EFL1: variants seen among roughly 807,000 people sequenced by gnomAD.
EFL1 encodes the protein elongation factor like GTPase 1, also known as elongation factor-like GTPase 1.
EFL1 carries 76 observed loss-of-function variants against 126.7 expected under a neutral mutation model. The ratio of observed to expected loss-of-function variants is 0.60; its 90% CI spans 0.50 to 0.73. The LOEUF (loss-of-function observed/expected upper bound fraction) is 0.73. Ranked by LOEUF, EFL1 falls within the 30% of genes least tolerant of loss-of-function variation. EFL1 has a pLI of 0.00. For synonymous variants in EFL1, 410 were observed against 448.4 expected, an observed-to-expected ratio of 0.91 and a Z score of 1.08; for missense variants, 1,128 against 1,343.2, an observed-to-expected ratio of 0.84 and a Z score of 2.50.
intron 7 of EFL1, among the ~76,000 whole-genome samples, chr15:82,232,592 A>G (rs760874322): frequency 1.5e-4 from 23 of 152,230 alleles, no homozygotes; most frequent in Non-Finnish European, 1.3e-4. Context: ...TCAATTATCT[A>G]TATGAAAATG....
At chr15:82,216,642 CA>C (rs1275440125) in intron 14 of EFL1, among the ~76,000 whole-genome samples, 1 of 152,020 alleles carries the variant, frequency 6.6e-6, no homozygotes, top group Admixed American at 6.6e-5. Flanking sequence ...AACAGCTGGA[CA>C]TTTAAATGAG....
At chr15:82,205,542 A>G (rs922511880) in intron 15 of EFL1, among the ~76,000 whole-genome samples, 6 of 149,626 alleles carry the variant, frequency 4.0e-5, no homozygotes, top group Non-Finnish European at 7.5e-5. Context: ...CAGTAAATAC[A>G]CACACACACA....
At chr15:82,143,175 T>C (rs2073807165) in intron 18 of EFL1, among the ~76,000 whole-genome samples, 1 of 152,198 alleles carries the variant, frequency 6.6e-6, no homozygotes, top group Non-Finnish European at 1.5e-5. Context: ...AATTTCAGAA[T>C]AATAAGTAAA....
rs150392261 is a variant in EFL1, at chr15:82,191,148, C to T, written c.1750+23569G>A. ...CCATCTTTTCTCCTTGGCTACTTCC[C>T]TACTTTTCCCTACAAATACTATGCA... is the stretch of plus-strand genomic sequence containing the variant. On this transcript the variant is annotated intron_variant, in intron 15 of 19. Transcript: ENST00000268206. 6.9e-3 allele frequency among the ~76,000 whole-genome samples: 1,048 copies of T among 152,148 alleles called. 12 individuals carry two copies. The highest frequency in any genetic ancestry group is 0.024 in the African/African-American group (1,005 of 41,494).
At position 82,238,464 on chromosome 15, in the gene EFL1, T is replaced by C. The variant is rs368078645; in HGVS notation, c.574A>G (p.Arg192Gly). 6.8e-6 allele frequency: 11 copies of C among 1,613,998 alleles called. No homozygotes were observed. In the African/African-American group the frequency reaches 1.5e-4, roughly 22 times the overall value. The change falls in exon 7 of 20, where the codon AGG becomes GGG. Residue 192 changes from arginine (R) to glycine (G), a missense_variant. Around this residue, in one of 6 missense-constraint regions of EFL1, gnomAD observed 316 missense variants for 318.5 expected, o/e 0.99. Coordinates refer to ENST00000268206, the MANE Select transcript of EFL1 (RefSeq NM_024580.6). ...TSKVLEERAE[R>G]ETESQVNPNS... The stretch of plus-strand genomic sequence containing the variant: ...GGATTCACTTGGGATTCAGTCTCCC[T>C]CTCTGCTCTTTCTTCTAGGACTTTA...
At chr15:82,138,943 T>G in intron 18 of EFL1, 101 bp from the exon 19 acceptor site, 1 of 1,102,746 alleles carries the variant, frequency 9.1e-7, no homozygotes, top group Non-Finnish European at 1.2e-6. Flanking sequence ...CATAAATGAT[T>G]AAATTTGTTC....
intron 17 of EFL1, among the ~76,000 whole-genome samples, chr15:82,157,171 T>G (rs2073976954): frequency 6.6e-6 from 1 of 152,216 alleles, no homozygotes; most frequent in African/African-American, 2.4e-5. Context: ...TATTTCTGCA[T>G]GATAACTGAA....
intron 15 of EFL1, among the ~76,000 whole-genome samples, chr15:82,202,736 TCTCTA>T (rs2074483142): frequency 6.6e-6 from 1 of 152,106 alleles, no homozygotes; most frequent in Admixed American, 6.5e-5. Flanking sequence ...ACTTTTTACC[TCTCTA>T]CTCAATTATA....
intron 18 of EFL1, 101 bp from the exon 19 acceptor site, chr15:82,138,943 T>A (rs1341239678): frequency 3.6e-6 from 4 of 1,102,626 alleles, no homozygotes; most frequent in Non-Finnish European, 5.0e-6. Flanking sequence ...CATAAATGAT[T>A]AAATTTGTTC....
At chr15:82,194,854 T>C (rs2074393456) in intron 15 of EFL1, among the ~76,000 whole-genome samples, 1 of 152,224 alleles carries the variant, frequency 6.6e-6, no homozygotes, top group Admixed American at 6.5e-5. Flanking sequence ...GTTTTCGGAA[T>C]CTTGTAATCA....
At chr15:82,205,539 TACACAC>T (rs144966014) in intron 15 of EFL1, among the ~76,000 whole-genome samples, 3 of 149,886 alleles carry the variant, frequency 2.0e-5, no homozygotes, top group Non-Finnish European at 3.0e-5. Context: ...CTCCAGTAAA[TACACAC>T]ACACACACAC....
At chr15:82,191,846 A>G (rs1157078950) in intron 15 of EFL1, among the ~76,000 whole-genome samples, 1 of 152,172 alleles carries the variant, frequency 6.6e-6, no homozygotes, top group Non-Finnish European at 1.5e-5. Flanking sequence ...GAAGAGCTTT[A>G]TATTTGCGAC....
intron 15 of EFL1, among the ~76,000 whole-genome samples, chr15:82,207,191 A>C (rs1334988439): frequency 1.3e-5 from 2 of 151,878 alleles, no homozygotes; most frequent in African/African-American, 2.4e-5. Context: ...CATTTTAAAA[A>C]TTAACCTAGT....
At chr15:82,146,768 G>T (rs991373482) in intron 18 of EFL1, among the ~76,000 whole-genome samples, 3 of 152,110 alleles carry the variant, frequency 2.0e-5, no homozygotes, top group Admixed American at 2.0e-4. Context: ...GTTGCCGCAC[G>T]CAGGGTAAAT....
At position 82,157,875 on chromosome 15, in the gene EFL1, C is replaced by A. The variant is rs375810682; in HGVS notation, c.1883-15G>T. On this transcript the variant is annotated splice_polypyrimidine_tract_variant and intron_variant, in intron 16 of 19. Coordinates refer to ENST00000268206, the MANE Select transcript of EFL1 (RefSeq NM_024580.6). ...AGGCATTTCACCTAGGTTAACAAAA[C>A]GAAATAGATTAAATATGATATAAGA... 1 of 1,606,872 alleles carries A rather than the reference C, an allele frequency of 6.2e-7. No homozygotes were observed. The highest frequency in any genetic ancestry group is 1.1e-5 in the South Asian group (1 of 90,222).
chr15:82,210,445 A>G (rs1188467538), intron 15 of EFL1, among the ~76,000 whole-genome samples: 1 of 152,206 alleles, frequency 6.6e-6, no homozygotes, highest in Non-Finnish European at 1.5e-5. Flanking sequence ...AAGCAGCCAT[A>G]TGGAAAGGCC....
intron 3 of EFL1, among the ~76,000 whole-genome samples, chr15:82,254,605 T>G (rs12439619): frequency 0.27 from 40,961 of 152,096 alleles, 5,975 homozygotes; most frequent in Non-Finnish European, 0.32. Context: ...AATATATCAT[T>G]TAGAGTGGCA....
chr15:82,222,571 C>T (rs1183872641), intron 12 of EFL1, among the ~76,000 whole-genome samples: 1 of 152,224 alleles, frequency 6.6e-6, no homozygotes, highest in Non-Finnish European at 1.5e-5. Flanking sequence ...TAGATGCCTG[C>T]TGTCTATCTA....
At chr15:82,260,633 C>A (rs2075104549) in intron 2 of EFL1, among the ~76,000 whole-genome samples, 1 of 152,110 alleles carries the variant, frequency 6.6e-6, no homozygotes, top group Admixed American at 6.5e-5. Context: ...AATCCTATAG[C>A]CTATAAAGCA....
Sources: gnomAD v4.1 joint callset for allele counts (sites outside exome capture counted in the v4.1 genomes callset) on GRCh38, gnomAD v4.1.1 for gene constraint, gnomAD v4.1.1 regional missense constraint, MANE v1.5 for transcripts, NCBI Gene and HGNC (gene_info 2026-07-23, HGNC 2026-07-21) for gene names.